RNF125: variants seen among roughly 807,000 people sequenced by gnomAD.
The protein encoded by RNF125 is E3 ubiquitin-protein ligase RNF125.
Under a neutral mutation model 26.0 loss-of-function variants are expected in RNF125, and 21 were observed. That is an observed-to-expected ratio of 0.81 (90% CI 0.57 to 1.16). RNF125 has a LOEUF of 1.16. Among genes scored for constraint, RNF125 ranks in the 50% most tolerant of loss-of-function variants. The probability of loss-of-function intolerance (pLI) is 0.00; values close to 1 mark genes in which losing one functional copy is unlikely to be tolerated. For synonymous variants in RNF125, 95 were observed against 109.2 expected (o/e 0.87, Z 0.81); for missense variants, 270 against 299.4 (o/e 0.90, Z 0.72).
intron 1 of RNF125, among the ~76,000 whole-genome samples, chr18:32,019,319 G>T (rs1448524222): frequency 1.3e-5 from 2 of 152,200 alleles, no homozygotes; most frequent in South Asian, 2.1e-4. Context: ...CACGGGTCCC[G>T]CCCAGAGCCA....
chr18:32,026,987 A>G (rs897428623), intron 1 of RNF125, among the ~76,000 whole-genome samples: 2 of 152,264 alleles, frequency 1.3e-5, no homozygotes, highest in African/African-American at 4.8e-5. Context: ...GGTTTAAGAC[A>G]GAGGAAAACA....
chr18:32,043,610 T>A (rs879445260), intron 3 of RNF125, among the ~76,000 whole-genome samples: 1 of 152,188 alleles, frequency 6.6e-6, no homozygotes, highest in African/African-American at 2.4e-5. Context: ...GGATTACCAA[T>A]GGGTTGAGAA....
chr18:32,042,143 T>A, intron 2 of RNF125, 36 bp from the exon 3 acceptor site: 2 of 1,487,354 alleles, frequency 1.3e-6, no homozygotes, highest in Non-Finnish European at 1.9e-6. Flanking sequence ...AGCCCTTTTT[T>A]AACAGTGAGT....
At chr18:32,050,566 T>C (rs939999118) in intron 4 of RNF125, among the ~76,000 whole-genome samples, 1 of 151,852 alleles carries the variant, frequency 6.6e-6, no homozygotes, top group African/African-American at 2.4e-5. Context: ...CTCAAATTCC[T>C]GGCTTCGAGC....
intron 1 of RNF125, among the ~76,000 whole-genome samples, chr18:32,030,451 A>T (rs1055727806): frequency 6.6e-6 from 1 of 152,230 alleles, no homozygotes; most frequent in South Asian, 2.1e-4. Context: ...TGAGCAGTAA[A>T]GCGTACATCA....
chr18:32,070,207 A>G lies in RNF125; in HGVS notation c.*1823A>G, dbSNP rs980452487. ...AGGTGCACGCCACCATGCCCGGCTA[A>G]TTTTTGTATTTTTAGTAGAGGGGTT... On this transcript the variant is annotated 3_prime_UTR_variant, in exon 6 of 6. Transcript: ENST00000217740. 1 of 152,016 alleles carries G rather than the reference A, an allele frequency of 6.6e-6. No homozygotes were observed. Among genetic ancestry groups the G allele is most frequent in the African/African-American group, 2.4e-5 (1 of 41,380 alleles). The allele number at this position is 152,016 out of a possible 1,614,324, so 9.4% of individuals were successfully genotyped here. A position where few individuals can be genotyped will look rare whatever the true frequency, so the allele number is the denominator to read the frequency against.
chr18:32,064,396 CTT>C (rs775086863), intron 4 of RNF125, among the ~76,000 whole-genome samples: 1 of 86,862 alleles, frequency 1.2e-5, no homozygotes, highest in Non-Finnish European at 2.1e-5. Context: ...TTTTCTTTTT[CTT>C]TTTTTTTTTT....
chr18:32,046,182 A>C (rs1049269198), intron 4 of RNF125, among the ~76,000 whole-genome samples: 1 of 133,974 alleles, frequency 7.5e-6, no homozygotes, highest in African/African-American at 2.9e-5. Flanking sequence ...GAGCCACTGT[A>C]CTCCAGCCTG....
chr18:32,029,159 T>C (rs191171289), intron 1 of RNF125, among the ~76,000 whole-genome samples: 1 of 152,286 alleles, frequency 6.6e-6, no homozygotes, highest in African/African-American at 2.4e-5. Context: ...TGGACTTTAA[T>C]TTAAGAAGTT....
intron 3 of RNF125, among the ~76,000 whole-genome samples, chr18:32,044,849 G>C (rs911224178): frequency 2.0e-5 from 3 of 151,670 alleles, no homozygotes; most frequent in Non-Finnish European, 4.4e-5. Context: ...GTCCGGGCGA[G>C]GTGGCTCACA....
chr18:32,058,916 A>G (rs563308352), intron 4 of RNF125, among the ~76,000 whole-genome samples: 2 of 152,150 alleles, frequency 1.3e-5, no homozygotes, highest in Non-Finnish European at 2.9e-5. Flanking sequence ...ACTTAACATA[A>G]TGTCCTCCAG....
chr18:32,037,474 TG>T (rs1402837276), intron 2 of RNF125, among the ~76,000 whole-genome samples: 1 of 147,130 alleles, frequency 6.8e-6, no homozygotes, highest in Non-Finnish European at 1.5e-5. Context: ...CAGGTTCAAG[TG>T]ATTCTCCTGC....
the RNF125 span, among the ~76,000 whole-genome samples, chr18:32,080,021 T>C: frequency 2.0e-5 from 3 of 151,952 alleles, no homozygotes; most frequent in African/African-American, 7.3e-5. Context: ...ATCCACTATG[T>C]TTTTGTTTTT....
At chr18:32,033,383 C>T (rs1374924000) in intron 1 of RNF125, among the ~76,000 whole-genome samples, 2 of 152,054 alleles carry the variant, frequency 1.3e-5, no homozygotes, top group Non-Finnish European at 2.9e-5. Context: ...CAAACATTTG[C>T]CGAACATGGT....
At position 32,063,241 on chromosome 18, in the gene RNF125, A is replaced by AAG. The variant is rs1188897904; in HGVS notation, c.505-2660_505-2659insGA. Among the ~76,000 whole-genome samples the AAG allele has an allele frequency of 1.9e-4, 29 of 151,762 alleles. No individual in the cohort carries two copies. In the East Asian group the frequency reaches 5.2e-3, roughly 27 times the overall value. ...AAACTCCATTTCAAAAAAAAAAAAA[A>AAG]AAAGAAGAATACATGAATAAATATA... On this transcript the variant is annotated intron_variant, in intron 4 of 5. Coordinates refer to ENST00000217740, the MANE Select transcript of RNF125 (RefSeq NM_017831.4).
chr18:32,078,220 G>C, the RNF125 span, among the ~76,000 whole-genome samples: 1 of 152,300 alleles, frequency 6.6e-6, no homozygotes, highest in East Asian at 1.9e-4. Flanking sequence ...TTCAAAGCAA[G>C]TTGATAGTAA....
At chr18:32,084,729 C>A in the RNF125 span, among the ~76,000 whole-genome samples, 1 of 152,166 alleles carries the variant, frequency 6.6e-6, no homozygotes, top group Non-Finnish European at 1.5e-5. Flanking sequence ...CACCTCTATC[C>A]TAATCAACTG....
chr18:32,054,160 C>T lies in RNF125; in HGVS notation c.504+8428C>T, dbSNP rs978272289. ...CCAGGCTGGAGCGCAGTGGCGTGGT[C>T]TCGGCTCGGAGCAACCTCCACCTCC... On this transcript the variant is annotated intron_variant, in intron 4 of 5. Transcript: ENST00000217740. 1.0e-3 allele frequency among the ~76,000 whole-genome samples: 143 copies of T among 136,932 alleles called. 2 individuals are homozygous for T. The highest frequency in any genetic ancestry group is 4.1e-4 in the Non-Finnish European group (27 of 66,250). The allele number at this position is 136,932 out of a possible 152,430, so 89.8% of individuals were successfully genotyped here.
intron 4 of RNF125, among the ~76,000 whole-genome samples, chr18:32,050,850 TCTCG>T (rs1238483672): frequency 7.0e-6 from 1 of 142,880 alleles, no homozygotes; most frequent in Non-Finnish European, 1.5e-5. Context: ...CCAGCTAGTC[TCTCG>T]GTCTAGAGTG....
Sources: allele counts gnomAD v4.1 joint callset (sites outside exome capture counted in the v4.1 genomes callset), GRCh38; gene constraint gnomAD v4.1.1; transcripts MANE v1.5; gene names NCBI Gene and HGNC (gene_info 2026-07-23, HGNC 2026-07-21).